C1orf87: variants seen among roughly 807,000 people sequenced by gnomAD.
C1orf87 encodes uncharacterized protein C1orf87.
A neutral mutation model predicts 60.5 loss-of-function variants in C1orf87; 58 were observed. That is an observed-to-expected ratio of 0.96 (90% CI 0.78 to 1.19). The LOEUF is 1.19. Ranked by LOEUF, C1orf87 falls within the 50% of genes most tolerant of loss-of-function variation. The pLI is 0.00. For synonymous variants in C1orf87, 236 were observed against 227.4 expected (o/e 1.04, Z -0.34); for missense variants, 673 against 638.6 (o/e 1.05, Z -0.58).
At chr1:60,062,715 G>C (rs927639079) in intron 2 of C1orf87, among the ~76,000 whole-genome samples, 1 of 152,058 alleles carries the variant, frequency 6.6e-6, no homozygotes, top group Non-Finnish European at 1.5e-5. Flanking sequence ...TATGCATTTA[G>C]GAGTTAATTA....
intron 9 of C1orf87, among the ~76,000 whole-genome samples, chr1:60,009,217 C>T (rs1021040721): frequency 2.0e-5 from 3 of 151,936 alleles, no homozygotes; most frequent in Non-Finnish European, 2.9e-5. Context: ...CACTTGGATA[C>T]TGAGATATAT....
rs925178696 is a variant in C1orf87, at chr1:60,040,163, T to C, written c.501A>G (p.Pro167=). The C allele has an allele frequency of 6.2e-7, 1 of 1,613,568 alleles. No individual in the cohort carries two copies. The change falls in exon 5 of 12, where the codon CCA becomes CCG. Residue 167 remains proline, a synonymous_variant. Transcript: ENST00000371201. ...AAGCGTCTTCATTTGTTGTCCCACT[T>C]GGGCTCTGGCCAATATCCTAACACA... ...SDQPEDIGQS[P]SGTTNEDAFL...
At chr1:60,029,253 T>G (rs1234187004) in intron 7 of C1orf87, among the ~76,000 whole-genome samples, 1 of 152,210 alleles carries the variant, frequency 6.6e-6, no homozygotes, top group Non-Finnish European at 1.5e-5. Flanking sequence ...CCTTGATGTC[T>G]CCATCCCTCC....
Position 60,055,315 on chromosome 1 carries a change from A to C in C1orf87, c.231T>G (p.Thr77=). The stretch of plus-strand genomic sequence containing the variant: ...TCTCTTTCACATCATCTGGATTATC[A>C]GTGGTTTGCTGATCAGTGAAGTTAA... The part of the protein sequence containing the change: ...VPINFTDQQT[T]DNPDDVKEKK... Residue 77 remains threonine, a synonymous_variant, in exon 3 of 12, where the codon ACT becomes ACG. Coordinates refer to ENST00000371201, the MANE Select transcript of C1orf87 (RefSeq NM_152377.3). 6.2e-7 allele frequency: 1 copy of C among 1,614,032 alleles called. No individual in the cohort carries two copies. The highest frequency in any genetic ancestry group is 1.3e-5 in the African/African-American group (1 of 75,004).
At chr1:60,017,268 G>A (rs570265575) in intron 8 of C1orf87, among the ~76,000 whole-genome samples, 133 of 152,328 alleles carry the variant, frequency 8.7e-4, no homozygotes, top group African/African-American at 3.2e-3. Flanking sequence ...ATTTCTAATA[G>A]CTTGCTACCT....
chr1:60,009,486 A>G (rs1430228185), intron 9 of C1orf87, among the ~76,000 whole-genome samples: 2 of 152,020 alleles, frequency 1.3e-5, no homozygotes, highest in Non-Finnish European at 2.9e-5. Context: ...AAATGAATAT[A>G]CTCACCATAT....
intron 8 of C1orf87, among the ~76,000 whole-genome samples, chr1:60,023,078 G>A (rs912113838): frequency 6.6e-6 from 1 of 152,072 alleles, no homozygotes; most frequent in Non-Finnish European, 1.5e-5. Context: ...GAAAGGGGAA[G>A]GCTACTATAA....
At chr1:60,017,823 C>T (rs1645134360) in intron 8 of C1orf87, among the ~76,000 whole-genome samples, 1 of 152,148 alleles carries the variant, frequency 6.6e-6, no homozygotes, top group South Asian at 2.1e-4. Context: ...ACTAATGTCT[C>T]TGCTAATTGG....
At chr1:60,022,558 A>G (rs144060427) in intron 8 of C1orf87, among the ~76,000 whole-genome samples, 1 of 152,052 alleles carries the variant, frequency 6.6e-6, no homozygotes, top group Non-Finnish European at 1.5e-5. Flanking sequence ...CTAGTACTGA[A>G]CCCTATATAT....
intron 6 of C1orf87, among the ~76,000 whole-genome samples, chr1:60,036,558 C>A (rs1645278587): frequency 6.6e-6 from 1 of 152,130 alleles, no homozygotes; most frequent in Non-Finnish European, 1.5e-5. Context: ...AACTCAGTTA[C>A]TATTACAAAT....
chr1:60,043,487 T>G (rs1645341854), intron 3 of C1orf87, among the ~76,000 whole-genome samples: 1 of 152,036 alleles, frequency 6.6e-6, no homozygotes, highest in Admixed American at 6.6e-5. Context: ...GTTCAAGAGA[T>G]TTTCCTGCTT....
In C1orf87 at chr1:60,040,980, A is replaced by G. The variant is rs1004873625; in HGVS notation, c.483+11T>C. 2.5e-6 allele frequency: 4 copies of G among 1,591,006 alleles called. No individual in the cohort carries two copies. In the African/African-American group the frequency reaches 5.4e-5, roughly 21 times the overall value. ...CAATAGACACAACTCAACAACTCTT[A>G]GTATACACACCTCAGGTTGGTCAGA... On this transcript the variant is annotated intron_variant, in intron 4 of 11. Coordinates refer to ENST00000371201, the MANE Select transcript of C1orf87 (RefSeq NM_152377.3).
chr1:59,998,751 GTTTTCCAT>G (rs370878427), intron 10 of C1orf87, among the ~76,000 whole-genome samples: 4 of 152,046 alleles, frequency 2.6e-5, no homozygotes, highest in African/African-American at 9.7e-5. Context: ...ACTCTAGCAG[GTTTTCCAT>G]TTTGTGTACT....
At chr1:60,051,966 G>A (rs964700312) in intron 3 of C1orf87, among the ~76,000 whole-genome samples, 14 of 152,166 alleles carry the variant, frequency 9.2e-5, no homozygotes, top group African/African-American at 3.4e-4. Flanking sequence ...CAAGATCAAA[G>A]GCTCTGCCTT....
At chr1:60,006,134 A>G (rs1391460725) in intron 9 of C1orf87, among the ~76,000 whole-genome samples, 1 of 152,000 alleles carries the variant, frequency 6.6e-6, no homozygotes, top group African/African-American at 2.4e-5. Flanking sequence ...TGAGGATGTG[A>G]TGGCCATAGC....
chr1:60,065,870 A>G (rs1645542798), intron 2 of C1orf87, among the ~76,000 whole-genome samples: 1 of 152,150 alleles, frequency 6.6e-6, no homozygotes, highest in Admixed American at 6.6e-5. Context: ...TACCTCAGTG[A>G]TTTGTGGTTT....
intron 9 of C1orf87, 76 bp downstream of exon 9, chr1:60,010,316 C>G (rs187928548): frequency 7.6e-7 from 1 of 1,322,826 alleles, no homozygotes; most frequent in Non-Finnish European, 1.1e-6. Context: ...GCAAACCACT[C>G]AAACTAGGCA....
chr1:60,041,524 C>T (rs1431749389), intron 3 of C1orf87, among the ~76,000 whole-genome samples: 1 of 152,062 alleles, frequency 6.6e-6, no homozygotes, highest in African/African-American at 2.4e-5. Context: ...TAATTGTTAA[C>T]TTTGACAAGA....
chr1:60,047,373 A>G (rs1645379957), intron 3 of C1orf87, among the ~76,000 whole-genome samples: 1 of 152,158 alleles, frequency 6.6e-6, no homozygotes, highest in Non-Finnish European at 1.5e-5. Flanking sequence ...ATTTTTATTG[A>G]TGCCCAAATT....
Sources: gnomAD v4.1 joint callset for allele counts (sites outside exome capture counted in the v4.1 genomes callset) on GRCh38, gnomAD v4.1.1 for gene constraint, MANE v1.5 for transcripts, NCBI Gene and HGNC (gene_info 2026-07-23, HGNC 2026-07-21) for gene names.